The following GIT2 variants were observed in gnomAD, a reference collection of about 807,000 sequenced individuals.
GIT2 encodes GIT ArfGAP 2, also known as ARF GTPase-activating protein GIT2.
GIT2 carries 32 observed loss-of-function variants against 100.3 expected under a neutral mutation model. The observed-to-expected ratio is 0.32, with a 90% CI of 0.24 to 0.43. GIT2 has a LOEUF of 0.43. GIT2 is among the 20% of genes least tolerant of loss of function. GIT2 has a pLI of 1.00. For synonymous variants in GIT2, 353 were observed against 364.1 expected (o/e 0.97, Z 0.35); for missense variants, 737 against 975.1 (o/e 0.76, Z 3.25).
chr12:109,963,911 T>C (rs1475190881), intron 9 of GIT2, among the ~76,000 whole-genome samples: 1 of 152,106 alleles, frequency 6.6e-6, no homozygotes, highest in Non-Finnish European at 1.5e-5. Flanking sequence ...ACAGGGAGGC[T>C]AGGAAGCTTG....
intron 16 of GIT2, among the ~76,000 whole-genome samples, chr12:109,941,623 G>A (rs942818196): frequency 1.3e-5 from 2 of 151,890 alleles, no homozygotes; most frequent in Non-Finnish European, 2.9e-5. Flanking sequence ...CCAGGTTCAA[G>A]CAATTCTCCT....
At chr12:109,961,404 C>T in intron 10 of GIT2, 29 bp from the exon 11 acceptor site, 1 of 1,354,278 alleles carries the variant, frequency 7.4e-7, no homozygotes, top group South Asian at 1.2e-5. Context: ...CAGAGACAAA[C>T]CTCATCACGC....
At chr12:109,942,353 A>G (rs1296232927) in intron 16 of GIT2, among the ~76,000 whole-genome samples, 1 of 151,992 alleles carries the variant, frequency 6.6e-6, no homozygotes, top group African/African-American at 2.4e-5. Flanking sequence ...CTGGAGACAG[A>G]GTCTTGCTCT....
chr12:109,935,968 C>T (rs1042241562), intron 18 of GIT2, among the ~76,000 whole-genome samples: 3 of 152,028 alleles, frequency 2.0e-5, no homozygotes, highest in Non-Finnish European at 2.9e-5. Flanking sequence ...TGTCATAATC[C>T]CTGAATTGTA....
intron 12 of GIT2, among the ~76,000 whole-genome samples, chr12:109,956,042 C>T (rs1356039550): frequency 6.6e-6 from 1 of 152,096 alleles, no homozygotes; most frequent in Non-Finnish European, 1.5e-5. Context: ...GATTCTCCTG[C>T]CTCAGCCTCC....
chr12:109,999,687 C>T (rs759821273), upstream of GIT2: 1 of 1,533,096 alleles, frequency 6.5e-7, no homozygotes, highest in Non-Finnish European at 8.8e-7. This position sits in a 1 kb window ranked among gnomAD's most constrained non-coding sequence, Gnocchi z 4.3. Flanking sequence ...GGCCTCCTCG[C>T]CATGTCCTCG....
At chr12:109,968,509 C>T (rs775915758) in intron 7 of GIT2, among the ~76,000 whole-genome samples, 4 of 152,204 alleles carry the variant, frequency 2.6e-5, no homozygotes, top group South Asian at 2.1e-4. Context: ...CCGCAACCTC[C>T]GCCTCCTGGG....
chr12:109,961,210 C>G, intron 11 of GIT2, 68 bp downstream of exon 11: 1 of 884,104 alleles, frequency 1.1e-6, no homozygotes, highest in South Asian at 1.4e-5. Flanking sequence ...AATAGTTTTC[C>G]TGGGAAAAAT....
intron 16 of GIT2, among the ~76,000 whole-genome samples, chr12:109,941,421 A>G (rs1874654102): frequency 6.6e-6 from 1 of 152,232 alleles, no homozygotes; most frequent in Non-Finnish European, 1.5e-5. Flanking sequence ...TAGCAGGAAG[A>G]TCATGGGCAA....
intron 16 of GIT2, 21 bp downstream of exon 16, chr12:109,945,239 A>G (rs978202981): frequency 8.3e-7 from 1 of 1,200,914 alleles, no homozygotes; most frequent in Non-Finnish European, 1.2e-6. Flanking sequence ...CAGAGAGCAG[A>G]CCATTCAGAA....
intron 7 of GIT2, among the ~76,000 whole-genome samples, chr12:109,976,123 A>ACACACACAAAC (rs1555232729): frequency 0.058 from 7,524 of 130,838 alleles, 257 homozygotes; most frequent in African/African-American, 0.13. Context: ...CACACACACA[A>ACACACACAAAC]ACACACACAC....
At chr12:109,965,630 C>A in intron 8 of GIT2, 53 bp from the exon 9 acceptor site, 1 of 1,145,770 alleles carries the variant, frequency 8.7e-7, no homozygotes, top group Non-Finnish European at 1.3e-6. Context: ...GACTTGTGAA[C>A]TCTGTAAAGT....
chr12:109,994,620 C>T (rs917292356), intron 1 of GIT2, among the ~76,000 whole-genome samples: 1 of 152,080 alleles, frequency 6.6e-6, no homozygotes, highest in Non-Finnish European at 1.5e-5. Context: ...TAAAGCGATA[C>T]AATGGAAGAG....
chr12:109,938,676 T>C (rs957064242), intron 17 of GIT2, 108 bp from the exon 18 acceptor site: 2 of 753,440 alleles, frequency 2.7e-6, no homozygotes, highest in Admixed American at 5.5e-5. Context: ...CAGGCTGGTC[T>C]CGTCATTTCC....
intron 11 of GIT2, 46 bp from the exon 12 acceptor site, chr12:109,960,004 T>A: frequency 3.3e-6 from 4 of 1,219,576 alleles, no homozygotes; most frequent in Non-Finnish European, 4.8e-6. Context: ...TGTAAAAATA[T>A]ATACATAAAT....
rs374462464 is a variant in GIT2 at position 109,959,857 on chromosome 12, C to T, written c.1089G>A (p.Ser363=). ...GGTTTGAGCAGTTACCTTTTGAACCCGAGAGAGAACTGCCCTGCTGTCTCC... is the reference window on the plus strand; with the variant it reads ...GGTTTGAGCAGTTACCTTTTGAACCTGAGAGAGAACTGCCCTGCTGTCTCC... ...AKRRQQGSSL[S]GSKDNVELIL... Residue 363 remains serine, a synonymous_variant, in exon 12 of 20, where the codon TCG becomes TCA. Coordinates refer to ENST00000355312, the MANE Select transcript of GIT2 (RefSeq NM_057169.5). 13 of 1,605,748 alleles carry T rather than the reference C, an allele frequency of 8.1e-6. No individual in the cohort carries two copies. The Admixed American group carries it at 1.2e-4, about 14-fold the overall frequency.
At position 109,939,251 on chromosome 12, in the gene GIT2, C is replaced by T. The variant is rs145293256; in HGVS notation, c.1732-4G>A. 1.3e-3 allele frequency: 2,119 copies of T among 1,574,674 alleles called. 43 individuals are homozygous for T. In the East Asian group the frequency reaches 0.041, roughly 31 times the overall value. On this transcript the variant is annotated splice_region_variant and splice_polypyrimidine_tract_variant and intron_variant, in intron 16 of 19. Coordinates refer to ENST00000355312, the MANE Select transcript of GIT2 (RefSeq NM_057169.5). ...TCTGCTTCTCCAGCCTGGATGCCTA[C>T]AAGAAAGAAGAGGGACCCTCATGAG... is the stretch of plus-strand genomic sequence containing the variant.
At chr12:109,957,950 T>A (rs566910775) in intron 12 of GIT2, among the ~76,000 whole-genome samples, 334 of 145,876 alleles carry the variant, frequency 2.3e-3, no homozygotes, top group Non-Finnish European at 3.0e-3. Context: ...AAGTTAAAAA[T>A]TTTTTTTTTT....
At chr12:109,946,333 G>A (rs1876349858) in intron 15 of GIT2, among the ~76,000 whole-genome samples, 1 of 152,068 alleles carries the variant, frequency 6.6e-6, no homozygotes, top group Non-Finnish European at 1.5e-5. Context: ...ACGAAACCAT[G>A]TCCTTGCTTT....
Sources: allele counts gnomAD v4.1 joint callset (sites outside exome capture counted in the v4.1 genomes callset), GRCh38; gene constraint gnomAD v4.1.1; non-coding constraint Gnocchi (gnomAD v3.1); transcripts MANE v1.5; gene names NCBI Gene and HGNC (gene_info 2026-07-23, HGNC 2026-07-21).